Variants in SGPP2 observed in about 807,000 individuals in gnomAD.
SGPP2 encodes the protein sphingosine-1-phosphate phosphatase 2.
A neutral mutation model predicts 33.9 loss-of-function variants in SGPP2; 30 were observed. The observed-to-expected ratio is 0.89, with a 90% CI of 0.66 to 1.20. The LOEUF is 1.20. Among genes scored for constraint, SGPP2 ranks in the 50% most tolerant of loss-of-function variants. The pLI, the probability that SGPP2 is intolerant of heterozygous loss-of-function variation, is 0.00. For synonymous variants in SGPP2, 233 were observed against 225.0 expected (o/e 1.04, Z -0.32); for missense variants, 458 against 532.1 (o/e 0.86, Z 1.37).
At chr2:222,542,591 G>T (rs112690558) in intron 4 of SGPP2, among the ~76,000 whole-genome samples, 1 of 151,854 alleles carries the variant, frequency 6.6e-6, no homozygotes, top group South Asian at 2.1e-4. Flanking sequence ...TCTTATTTTC[G>T]CCATTCTTGT....
At chr2:222,534,794 G>C (rs1698889169) in intron 4 of SGPP2, among the ~76,000 whole-genome samples, 1 of 152,100 alleles carries the variant, frequency 6.6e-6, no homozygotes, top group South Asian at 2.1e-4. Flanking sequence ...TTACCCTAGA[G>C]AGACATATTT....
At chr2:222,524,922 GT>G (rs754019428) in intron 3 of SGPP2, 21 bp from the exon 4 acceptor site, 1 of 1,597,128 alleles carries the variant, frequency 6.3e-7, no homozygotes, top group East Asian at 2.2e-5. Context: ...TAATTCCCTT[GT>G]TTTTTCTCCT....
In SGPP2 at chr2:222,479,532, A is replaced by C. The variant is rs191690777; in HGVS notation, c.378+4806A>C. Among the ~76,000 whole-genome samples the C allele has an allele frequency of 1.1e-3, 159 of 150,240 alleles. No individual in the cohort carries two copies. The East Asian group carries it at 0.015, about 14-fold the overall frequency. On this transcript the variant is annotated intron_variant, in intron 2 of 4. Transcript: ENST00000321276. The stretch of plus-strand genomic sequence containing the variant: ...ATTCTCCTGCCTCAGCCTCCCAAGT[A>C]GCTGGGACAACAGGCGCCCACCCCC...
At position 222,530,684 on chromosome 2, in the gene SGPP2, T is replaced by C. The variant is rs1190624065; in HGVS notation, c.648+5651T>C. On this transcript the variant is annotated intron_variant, in intron 4 of 4. Coordinates refer to ENST00000321276, the MANE Select transcript of SGPP2 (RefSeq NM_152386.4). The stretch of plus-strand genomic sequence containing the variant: ...TCTTCTAACCAGGCCACTCAAACTT[T>C]CTCTATAATAAGGCTGTTTAATTTT... Among the ~76,000 whole-genome samples, 3 of 152,206 alleles carry C rather than the reference T, an allele frequency of 2.0e-5. No homozygotes were observed. The South Asian group carries it at 6.2e-4, about 32-fold the overall frequency.
chr2:222,502,012 G>T (rs1698374928), intron 2 of SGPP2, among the ~76,000 whole-genome samples: 1 of 152,170 alleles, frequency 6.6e-6, no homozygotes, highest in African/African-American at 2.4e-5. Flanking sequence ...AGAGTTTTAA[G>T]AAAAGTCTGG....
At chr2:222,472,392 G>A (rs1380086036) in intron 1 of SGPP2, among the ~76,000 whole-genome samples, 1 of 152,076 alleles carries the variant, frequency 6.6e-6, no homozygotes, top group South Asian at 2.1e-4. Flanking sequence ...CTGAGTGGGG[G>A]CAACAGGACC....
chr2:222,438,770 G>A (rs531479127), intron 1 of SGPP2, among the ~76,000 whole-genome samples: 7 of 152,286 alleles, frequency 4.6e-5, no homozygotes, highest in South Asian at 2.1e-4. Context: ...TCTCCAACCC[G>A]GTGTCTTTCA....
chr2:222,509,654 G>A (rs766882558), intron 2 of SGPP2, among the ~76,000 whole-genome samples: 4 of 152,178 alleles, frequency 2.6e-5, no homozygotes, highest in African/African-American at 4.8e-5. Context: ...AAATCAATAT[G>A]TGAAGGCATT....
chr2:222,471,166 C>T (rs548388526), intron 1 of SGPP2, among the ~76,000 whole-genome samples: 248 of 152,286 alleles, frequency 1.6e-3, no homozygotes, highest in African/African-American at 5.7e-3. Context: ...GTACTTACCC[C>T]TGACCAGTAA....
At chr2:222,536,498 G>A (rs1348916329) in intron 4 of SGPP2, among the ~76,000 whole-genome samples, 2 of 152,044 alleles carry the variant, frequency 1.3e-5, no homozygotes, top group African/African-American at 2.4e-5. Context: ...TGACCAACGT[G>A]GTAAAACCCT....
intron 1 of SGPP2, among the ~76,000 whole-genome samples, chr2:222,440,467 C>T (rs150022778): frequency 4.0e-5 from 6 of 151,760 alleles, no homozygotes; most frequent in Non-Finnish European, 8.8e-5. Context: ...CTTAGCCTCC[C>T]GAGTAGCTGG....
At chr2:222,429,865 G>T (rs1042349449) in intron 1 of SGPP2, among the ~76,000 whole-genome samples, 3 of 152,114 alleles carry the variant, frequency 2.0e-5, no homozygotes, top group Non-Finnish European at 4.4e-5. Context: ...ACGAGGGCAG[G>T]TTTTCCCACA....
intron 1 of SGPP2, among the ~76,000 whole-genome samples, chr2:222,441,321 T>C (rs771229804): frequency 6.6e-6 from 1 of 152,214 alleles, no homozygotes; most frequent in Non-Finnish European, 1.5e-5. Context: ...TCAGAAAGTA[T>C]TTGTCAAATA....
chr2:222,430,898 T>C (rs1320815555), intron 1 of SGPP2, among the ~76,000 whole-genome samples: 6 of 152,122 alleles, frequency 3.9e-5, no homozygotes, highest in African/African-American at 1.4e-4. Flanking sequence ...AACAAGGAAA[T>C]TCTGAGAAGC....
chr2:222,442,382 T>C (rs374269132), intron 1 of SGPP2, among the ~76,000 whole-genome samples: 1 of 152,242 alleles, frequency 6.6e-6, no homozygotes, highest in African/African-American at 2.4e-5. Context: ...ATTTTTAAAG[T>C]AAGATTAAAT....
chr2:222,527,445 G>A lies in SGPP2; in HGVS notation c.648+2412G>A, dbSNP rs578004890. ...CTCACCTTTAGGCTACTGTGAATAA[G>A]GCTTCTCTGAACATGGGGTTTCAAA... On this transcript the variant is annotated intron_variant, in intron 4 of 4. Transcript: ENST00000321276. 7.9e-5 allele frequency among the ~76,000 whole-genome samples: 12 copies of A among 152,352 alleles called. No homozygotes were observed. In the South Asian group the frequency reaches 2.5e-3, roughly 32 times the overall value.
intron 2 of SGPP2, among the ~76,000 whole-genome samples, chr2:222,515,613 G>A (rs145730229): frequency 6.6e-6 from 1 of 152,158 alleles, no homozygotes; most frequent in East Asian, 1.9e-4. Flanking sequence ...ACAGGCGTGA[G>A]CCACCGTGCC....
intron 2 of SGPP2, among the ~76,000 whole-genome samples, chr2:222,512,302 T>C (rs527888039): frequency 6.6e-5 from 10 of 152,144 alleles, no homozygotes; most frequent in Non-Finnish European, 2.9e-5. Flanking sequence ...TGAACCACCA[T>C]GCCTGTTCTA....
At chr2:222,442,012 G>A (rs1375068799) in intron 1 of SGPP2, among the ~76,000 whole-genome samples, 1 of 152,174 alleles carries the variant, frequency 6.6e-6, no homozygotes, top group Non-Finnish European at 1.5e-5. Context: ...TTCTGTCCAA[G>A]CAACCACATG....
Sources: gnomAD v4.1 joint callset for allele counts (sites outside exome capture counted in the v4.1 genomes callset) on GRCh38, gnomAD v4.1.1 for gene constraint, MANE v1.5 for transcripts, NCBI Gene and HGNC (gene_info 2026-07-23, HGNC 2026-07-21) for gene names.